TMEM120B: variants seen among roughly 807,000 people sequenced by gnomAD.
TMEM120B encodes transmembrane protein 120B.
A neutral mutation model predicts 55.5 loss-of-function variants in TMEM120B; 31 were observed. The observed-to-expected ratio is 0.56, with a 90% CI of 0.42 to 0.75. TMEM120B has a LOEUF of 0.75. TMEM120B is among the 30% of genes least tolerant of loss of function. The pLI is 0.00. For missense variants in TMEM120B, 399 were observed against 425.5 expected (o/e 0.94, Z 0.55); for synonymous variants, 203 against 176.3 (o/e 1.15, Z -1.20).
At chr12:121,716,073 C>G (rs1014083711) in intron 1 of TMEM120B, among the ~76,000 whole-genome samples, 1 of 148,280 alleles carries the variant, frequency 6.7e-6, no homozygotes, top group Non-Finnish European at 1.5e-5. Flanking sequence ...TTGGGAGGAC[C>G]GCTCCCAGCA....
In TMEM120B at chr12:121,727,746, C is replaced by T. The variant is rs190505548; in HGVS notation, c.69+14782C>T. On this transcript the variant is annotated intron_variant, in intron 1 of 11. Coordinates refer to ENST00000449592, the MANE Select transcript of TMEM120B (RefSeq NM_001080825.2). ...AAAATTAGACAGGCGTGGTGGCAGGCGCCAGTAGTCCCAGCTACTCGGGAG... is the reference window on the plus strand; with the variant it reads ...AAAATTAGACAGGCGTGGTGGCAGGTGCCAGTAGTCCCAGCTACTCGGGAG... 1.5e-3 allele frequency among the ~76,000 whole-genome samples: 217 copies of T among 148,902 alleles called. 1 individual carries two copies. In the East Asian group the frequency reaches 0.04, roughly 27 times the overall value.
In TMEM120B at chr12:121,775,331, G is replaced by T. The variant is rs1393189294; in HGVS notation, c.906+201G>T. 4 of 794,082 alleles carry T rather than the reference G, an allele frequency of 5.0e-6. No individual in the cohort carries two copies. The highest frequency in any genetic ancestry group is 1.9e-5 in the African/African-American group (1 of 53,356). 49.2% of individuals were successfully genotyped at this position (794,082 alleles called of 1,614,324 possible). On this transcript the variant is annotated intron_variant, in intron 11 of 11. Coordinates refer to ENST00000449592, the MANE Select transcript of TMEM120B (RefSeq NM_001080825.2). The surrounding 1 kb of genome is among the most constrained non-coding windows in gnomAD (Gnocchi z 4.3). The stretch of plus-strand genomic sequence containing the variant: ...TGGGCTGGCAGGTGTGGGGTGTTGT[G>T]GGGGGCCTGCTTGGCGGGAGGCTTC...
chr12:121,723,961 A>G (rs1401544635), intron 1 of TMEM120B, among the ~76,000 whole-genome samples: 3 of 149,870 alleles, frequency 2.0e-5, no homozygotes, highest in South Asian at 2.1e-4. Flanking sequence ...CCACCATGCC[A>G]GTTATAATTA....
chr12:121,750,530 CCCCACATCCACA>C lies in TMEM120B; in HGVS notation c.365+98_365+109del. The C allele has an allele frequency of 3.0e-6, 3 of 995,996 alleles. No individual in the cohort carries two copies. The South Asian group carries it at 4.1e-5, about 14-fold the overall frequency. 61.7% of individuals were successfully genotyped at this position (995,996 alleles called of 1,614,324 possible). ...CCAAACCCCACACTGAGAACCCACA[CCCCACATCCACA>C]CCCACACCAACACCCCACACCTCAA... On this transcript the variant is annotated intron_variant, in intron 4 of 11. Coordinates refer to ENST00000449592, the MANE Select transcript of TMEM120B (RefSeq NM_001080825.2).
chr12:121,752,921 A>T (rs1219026447), intron 5 of TMEM120B, among the ~76,000 whole-genome samples: 1 of 152,036 alleles, frequency 6.6e-6, no homozygotes, highest in Admixed American at 6.6e-5. Flanking sequence ...GTAACACAGC[A>T]AGACCCCCAT....
At chr12:121,761,986 T>C (rs1873693254) in intron 6 of TMEM120B, among the ~76,000 whole-genome samples, 1 of 151,990 alleles carries the variant, frequency 6.6e-6, no homozygotes, top group South Asian at 2.1e-4. Flanking sequence ...ATAAGAAACA[T>C]ATTTTCTCAT....
rs369734434 is a variant in TMEM120B, at chr12:121,775,748, C to A, written c.*26C>A. ...GCCTCGGGCTCCTGTGCCCTCGGCC[C>A]GGACTTCAGACTGCAGGGGGCTCCC... On this transcript the variant is annotated 3_prime_UTR_variant, in exon 12 of 12. Coordinates refer to ENST00000449592, the MANE Select transcript of TMEM120B (RefSeq NM_001080825.2). The surrounding 1 kb of genome is among the most constrained non-coding windows in gnomAD (Gnocchi z 4.3). The A allele has an allele frequency of 1.9e-6, 3 of 1,611,922 alleles. No individual in the cohort carries two copies. The highest frequency in any genetic ancestry group is 1.3e-5 in the African/African-American group (1 of 75,002).
At chr12:121,718,770 G>GA (rs1350380625) in intron 1 of TMEM120B, among the ~76,000 whole-genome samples, 5 of 152,004 alleles carry the variant, frequency 3.3e-5, no homozygotes, top group African/African-American at 1.2e-4. Context: ...AGTTGCAAAT[G>GA]AAAAAAACCC....
intron 1 of TMEM120B, among the ~76,000 whole-genome samples, chr12:121,722,851 T>TAC (rs1243685276): frequency 6.8e-6 from 1 of 148,054 alleles, no homozygotes; most frequent in Admixed American, 6.8e-5. Flanking sequence ...AAATTTACTT[T>TAC]TTTTTTTTTT....
At chr12:121,739,337 G>C (rs1872851567) in intron 1 of TMEM120B, among the ~76,000 whole-genome samples, 1 of 152,156 alleles carries the variant, frequency 6.6e-6, no homozygotes, top group South Asian at 2.1e-4. Flanking sequence ...TGCCATAAAA[G>C]AGACAGTTAG....
Position 121,712,784 on chromosome 12 carries a change from A to G in TMEM120B, c.-112A>G. 1.5e-6 allele frequency: 1 copy of G among 687,692 alleles called. No individual in the cohort carries two copies. Among genetic ancestry groups the G allele is most frequent in the African/African-American group, 1.9e-5 (1 of 52,296 alleles). The allele number at this position is 687,692 out of a possible 1,614,324, so 42.6% of individuals were successfully genotyped here. On this transcript the variant is annotated 5_prime_UTR_variant, in exon 1 of 12. Transcript: ENST00000449592. The stretch of plus-strand genomic sequence containing the variant: ...CGCGTGGCTCTGGCTGCGCAGGAAC[A>G]GCTGGTGCCTCCGAGGGCGGTCGGC...
At chr12:121,768,069 C>T (rs1254025400) in intron 6 of TMEM120B, among the ~76,000 whole-genome samples, 1 of 152,216 alleles carries the variant, frequency 6.6e-6, no homozygotes, top group Non-Finnish European at 1.5e-5. Context: ...ACTGCCTTTG[C>T]TGTCAGAAAT....
chr12:121,748,333 C>A lies in TMEM120B; in HGVS notation c.196C>A (p.Arg66Ser). 1.2e-6 allele frequency: 2 copies of A among 1,609,944 alleles called. No individual in the cohort carries two copies. The highest frequency in any genetic ancestry group is 1.7e-6 in the Non-Finnish European group (2 of 1,177,952). The change falls in exon 3 of 12, where the codon CGC becomes AGC. Residue 66 changes from arginine to serine, a missense_variant. By Grantham distance (110) the Arg-to-Ser change is moderately radical. Coordinates refer to ENST00000449592, the MANE Select transcript of TMEM120B (RefSeq NM_001080825.2). ...CTGCATCTCTGTCCGCAGGTGCAAA[C>A]GCCATGCCAGTCGGGAGGAGGCGGA... ...DLKLTLQRCK[R>S]HASREEAELV...
intron 1 of TMEM120B, among the ~76,000 whole-genome samples, chr12:121,727,365 G>A (rs1436695177): frequency 2.0e-5 from 3 of 151,128 alleles, no homozygotes; most frequent in African/African-American, 7.3e-5. Context: ...ATGAGACCCC[G>A]TCTCTGCAAA....
chr12:121,717,429 A>G (rs921963679), intron 1 of TMEM120B, among the ~76,000 whole-genome samples: 3 of 152,198 alleles, frequency 2.0e-5, no homozygotes, highest in Non-Finnish European at 4.4e-5. Flanking sequence ...AAGCAAGAAG[A>G]TCAGCATTAT....
intron 1 of TMEM120B, among the ~76,000 whole-genome samples, chr12:121,728,007 C>CA (rs1248347776): frequency 6.6e-6 from 1 of 151,792 alleles, no homozygotes; most frequent in African/African-American, 2.4e-5. Flanking sequence ...TTTTGACACT[C>CA]ACTTTTCTTT....
chr12:121,714,994 T>C (rs1203831546), intron 1 of TMEM120B, among the ~76,000 whole-genome samples: 1 of 152,174 alleles, frequency 6.6e-6, no homozygotes, highest in Non-Finnish European at 1.5e-5. Context: ...TCATAATTCC[T>C]GTCCCTTGCT....
At chr12:121,771,446 C>T (rs1874050046) in intron 7 of TMEM120B, 42 bp from the exon 8 acceptor site, 1 of 1,560,234 alleles carries the variant, frequency 6.4e-7, no homozygotes, top group South Asian at 1.1e-5. Context: ...TGTCTCATTT[C>T]ATAGTGGGCC....
chr12:121,750,170 C>T (rs558169886), intron 3 of TMEM120B, among the ~76,000 whole-genome samples: 1 of 151,870 alleles, frequency 6.6e-6, no homozygotes, highest in Non-Finnish European at 1.5e-5. Flanking sequence ...GAGGAGAAAT[C>T]GACTCCTCAC....
Sources: gnomAD v4.1 joint callset for allele counts (sites outside exome capture counted in the v4.1 genomes callset) on GRCh38, gnomAD v4.1.1 for gene constraint, Gnocchi (gnomAD v3.1) non-coding constraint, MANE v1.5 for transcripts, NCBI Gene and HGNC (gene_info 2026-07-23, HGNC 2026-07-21) for gene names.